The following NKX3-2 variants were observed in gnomAD, a reference collection of about 807,000 sequenced individuals.
NKX3-2 encodes the protein NK3 homeobox 2, also known as homeobox protein Nkx-3.2.
In NKX3-2, 13 loss-of-function variants were observed where a neutral mutation model predicts 19.4. The ratio of observed to expected loss-of-function variants is 0.67; its 90% confidence interval spans 0.44 to 1.07. NKX3-2 has a LOEUF of 1.07. Ranked by LOEUF, NKX3-2 falls within the 50% of genes least tolerant of loss-of-function variation. NKX3-2 has a pLI of 0.00. For missense variants in NKX3-2, 562 were observed against 488.2 expected, an observed-to-expected ratio of 1.15 and a Z score of -1.42; for synonymous variants, 269 against 230.5, an observed-to-expected ratio of 1.17 and a Z score of -1.51.
upstream of NKX3-2, chr4:13,547,366 A>G (rs28378481): frequency 0.017 from 6,430 of 382,646 alleles, 317 homozygotes; most frequent in African/African-American, 0.11. Context: ...GAACTCTGCA[A>G]CCTCCCGACG....
At position 13,541,887 on chromosome 4, in the gene NKX3-2, A is replaced by G. The variant is rs1717993172; in HGVS notation, c.*106T>C. 1.3e-6 allele frequency: 2 copies of G among 1,487,142 alleles called. No individual in the cohort carries two copies. The highest frequency in any genetic ancestry group is 1.8e-6 in the Non-Finnish European group (2 of 1,102,702). The allele number at this position is 1,487,142 out of a possible 1,614,324, so 92.1% of individuals were successfully genotyped here. On this transcript the variant is annotated 3_prime_UTR_variant, in exon 2 of 2. Coordinates refer to ENST00000382438, the MANE Select transcript of NKX3-2 (RefSeq NM_001189.4). ...GGAGCTGGAGCTGGGTTTCACCTCC[A>G]GGTGCCTCCTTGGCGGGGCGCCCCG...
Position 13,544,280 on chromosome 4 carries a change from C to T in NKX3-2, c.135G>A (p.Ala45=), listed in dbSNP as rs371388996. ...APGGTAASVA[A]APAVCCWRLF... is the part of the protein sequence containing the mutation. ...GCCGCCAACAGCAGACAGCGGGAGCCGCGGCCACCGATGCCGCTGTGCCCC... is the reference window on the plus strand; with the variant it reads ...GCCGCCAACAGCAGACAGCGGGAGCTGCGGCCACCGATGCCGCTGTGCCCC... Residue 45 remains alanine, a synonymous_variant, in exon 1 of 2, where the codon GCG becomes GCA. Transcript: ENST00000382438. The T allele has an allele frequency of 4.2e-5, 65 of 1,547,436 alleles. No individual in the cohort carries two copies. The African/African-American group carries it at 4.3e-4, about 10-fold the overall frequency.
chr4:13,544,078 C>T lies in NKX3-2; in HGVS notation c.337G>A (p.Ala113Thr), dbSNP rs747796521. Reference sequence around the variant, plus strand: ...CCCCCCGCAAGGCCGGCCCCGCTGGCCCCCCGCGCGTCCGCGCAGCGCCGC... The same window carrying T: ...CCCCCCGCAAGGCCGGCCCCGCTGGTCCCCCGCGCGTCCGCGCAGCGCCGC... ...SRRRCADARG[A>T]SGAGLAGGSL... is the part of the protein sequence containing the mutation. Residue 113 changes from alanine to threonine, a missense_variant, in exon 1 of 2, where the codon GCC becomes ACC. Transcript: ENST00000382438. The T allele has an allele frequency of 3.2e-6, 5 of 1,581,300 alleles. No individual in the cohort carries two copies. Among genetic ancestry groups the T allele is most frequent in the East Asian group, 4.7e-5 (2 of 42,914 alleles).
upstream of NKX3-2, chr4:13,544,557 G>C: frequency 2.4e-6 from 1 of 421,218 alleles, no homozygotes. Flanking sequence ...CGGCCCAGCA[G>C]CTCCCGCCCC....
rs745675632 is a variant in NKX3-2 at position 13,542,419 on chromosome 4, G to T, written c.576C>A (p.Val192=). 4.6e-6 allele frequency: 7 copies of T among 1,533,222 alleles called. No individual in the cohort carries two copies. Among genetic ancestry groups the T allele is most frequent in the Non-Finnish European group, 6.1e-6 (7 of 1,146,646 alleles). 95.0% of individuals were successfully genotyped at this position (1,533,222 alleles called of 1,614,324 possible). ...GGGGGSGPAG[V]AEEEEEPAAP... ...CCGCCGGCTCCTCCTCCTCCTCCGC[G>T]ACGCCTGCCGGCCCGCTGCCGCCCC... Residue 192 remains valine (V), a synonymous_variant, in exon 2 of 2, where the codon GTC becomes GTA. Coordinates refer to ENST00000382438, the MANE Select transcript of NKX3-2 (RefSeq NM_001189.4). The surrounding 1 kb of genome is among the most constrained non-coding windows in gnomAD (Gnocchi z 6.4).
Position 13,541,750 on chromosome 4 carries a change from C to T in NKX3-2, c.*243G>A, listed in dbSNP as rs1337686887. ...TAAATAGAGCCCAGGGGCTTCCAGG[C>T]AGGTGGGCGATCAGGGCCCCTAGGC... On this transcript the variant is annotated 3_prime_UTR_variant, in exon 2 of 2. Coordinates refer to ENST00000382438, the MANE Select transcript of NKX3-2 (RefSeq NM_001189.4). 9.9e-6 allele frequency: 5 copies of T among 503,488 alleles called. No homozygotes were observed. The highest frequency in any genetic ancestry group is 1.7e-5 in the Non-Finnish European group (5 of 286,576). 31.2% of individuals were successfully genotyped at this position (503,488 alleles called of 1,614,324 possible). A position where few individuals can be genotyped will look rare whatever the true frequency, so the allele number is the denominator to read the frequency against.
rs1344530495 is a variant in NKX3-2, at chr4:13,543,075, T to G, written c.467-547A>C. Among the ~76,000 whole-genome samples, 1 of 151,906 alleles carries G rather than the reference T, an allele frequency of 6.6e-6. No individual in the cohort carries two copies. The highest frequency in any genetic ancestry group is 1.5e-5 in the Non-Finnish European group (1 of 67,970). On this transcript the variant is annotated intron_variant, in intron 1 of 1. Transcript: ENST00000382438. The surrounding 1 kb of genome is among the most constrained non-coding windows in gnomAD (Gnocchi z 7.1). ...CCGCCTGGGATTGCTGTGAGAGACA[T>G]GGAAACAGGCTGAGCCGAGGCCTTA...
upstream of NKX3-2, chr4:13,547,222 G>T (rs534676516): frequency 7.9e-4 from 361 of 456,348 alleles, 3 homozygotes; most frequent in South Asian, 5.1e-3. Flanking sequence ...CCAGAGTGGC[G>T]GTGTGTGGCG....
In NKX3-2 at chr4:13,544,285, C is replaced by G; in HGVS notation, c.130G>C (p.Ala44Pro). The change falls in exon 1 of 2, where the codon GCC becomes CCC. Residue 44 changes from alanine to proline, a missense_variant. Physicochemically the swap from Ala to Pro is conservative, Grantham distance 27. Transcript: ENST00000382438. ...PAPGGTAASV[A>P]AAPAVCCWRL... ...CAACAGCAGACAGCGGGAGCCGCGG[C>G]CACCGATGCCGCTGTGCCCCCGGGC... The G allele has an allele frequency of 6.5e-7, 1 of 1,544,534 alleles. No individual in the cohort carries two copies. The highest frequency in any genetic ancestry group is 8.7e-7 in the Non-Finnish European group (1 of 1,153,022).
At chr4:13,547,279 C>T (rs1349869181), upstream of NKX3-2, 1 of 454,952 alleles carries the variant, frequency 2.2e-6, no homozygotes, top group African/African-American at 2.0e-5. Context: ...GATCTGGACG[C>T]GACCGCGCGG....
chr4:13,545,217 C>A (rs1405740259), upstream of NKX3-2, among the ~76,000 whole-genome samples: 1 of 152,154 alleles, frequency 6.6e-6, no homozygotes, highest in Non-Finnish European at 1.5e-5. Context: ...CTGACTTAAC[C>A]CCTTCTCTCC....
chr4:13,544,584 A>G (rs1718081558), upstream of NKX3-2: 1 of 360,300 alleles, frequency 2.8e-6, no homozygotes, highest in Non-Finnish European at 4.8e-6. Context: ...TCCCAGGATC[A>G]GCGCCGACCC....
chr4:13,547,065 T>G (rs1339070739), upstream of NKX3-2: 1 of 456,156 alleles, frequency 2.2e-6, no homozygotes, highest in Middle Eastern at 3.3e-4. Context: ...GGGAGTTGGG[T>G]GCTTGGCGCG....
upstream of NKX3-2, among the ~76,000 whole-genome samples, chr4:13,545,511 T>C (rs1452516166): frequency 1.3e-5 from 2 of 152,218 alleles, no homozygotes; most frequent in Non-Finnish European, 2.9e-5. Context: ...TTTGCTGAAA[T>C]GATCAGTTAA....
rs1468632986 is a variant in NKX3-2 at position 13,543,761 on chromosome 4, T to G, written c.466+188A>C. Among the ~76,000 whole-genome samples the G allele has an allele frequency of 6.6e-6, 1 of 152,204 alleles. No individual in the cohort carries two copies. Among genetic ancestry groups the G allele is most frequent in the African/African-American group, 2.4e-5 (1 of 41,456 alleles). ...AGGACGTAGGGCTCTGAGGAGCTAC[T>G]CCGGTCTCTCGCGGGCTCAGTTCCC... On this transcript the variant is annotated intron_variant, in intron 1 of 1. Transcript: ENST00000382438. This position sits in a 1 kb window ranked among gnomAD's most constrained non-coding sequence, Gnocchi z 7.1.
In NKX3-2 at chr4:13,544,077, G is replaced by GC. The variant is rs606231352; in HGVS notation, c.337dup (p.Ala113GlyfsTer19). ...TCCCCCCGCAAGGCCGGCCCCGCTG[G>GC]CCCCCCGCGCGTCCGCGCAGCGCCG... On this transcript the variant is annotated frameshift_variant, in exon 1 of 2. Coordinates refer to ENST00000382438, the MANE Select transcript of NKX3-2 (RefSeq NM_001189.4). LOFTEE classifies it high-confidence loss of function. 3 of 1,580,232 alleles carry GC rather than the reference G, an allele frequency of 1.9e-6. No individual in the cohort carries two copies. The highest frequency in any genetic ancestry group is 1.7e-6 in the Non-Finnish European group (2 of 1,165,696).
At position 13,541,997 on chromosome 4, in the gene NKX3-2, T is replaced by C. The variant is rs1427103087; in HGVS notation, c.998A>G (p.Gln333Arg). 6.3e-7 allele frequency: 1 copy of C among 1,584,766 alleles called. No homozygotes were observed. The highest frequency in any genetic ancestry group is 8.6e-7 in the Non-Finnish European group (1 of 1,166,026). The change falls in exon 2 of 2, where the codon CAG (glutamine) becomes CGG (arginine). Residue 333 changes from glutamine (Q) to arginine (R), a missense_variant. Gln to Arg is a conservative substitution (Grantham distance 43). Transcript: ENST00000382438. ...GCTGCCTCAGCCCAAGCGGGTTCAC[T>C]GGGTGCCTGCGGCAGCTGCGCAGGT... ...LSTCAAAAGT[Q>R]
chr4:13,543,297 A>G lies in NKX3-2; in HGVS notation c.466+652T>C, dbSNP rs1244369147. On this transcript the variant is annotated intron_variant, in intron 1 of 1. Transcript: ENST00000382438. The surrounding 1 kb of genome is among the most constrained non-coding windows in gnomAD (Gnocchi z 7.1). ...GGCAGGCACCCGGGTCTTCCAGACCACAGGACAGGACAGGCCACGGCTGAG... is the reference window on the plus strand; with the variant it reads ...GGCAGGCACCCGGGTCTTCCAGACCGCAGGACAGGACAGGCCACGGCTGAG... 6.6e-6 allele frequency among the ~76,000 whole-genome samples: 1 copy of G among 152,168 alleles called. No individual in the cohort carries two copies. Among genetic ancestry groups the G allele is most frequent in the African/African-American group, 2.4e-5 (1 of 41,450 alleles).
Position 13,542,363 on chromosome 4 carries a change from G to C in NKX3-2, c.632C>G (p.Ala211Gly). 1 of 1,524,298 alleles carries C rather than the reference G, an allele frequency of 6.6e-7. No individual in the cohort carries two copies. Among genetic ancestry groups the C allele is most frequent in the Non-Finnish European group, 8.8e-7 (1 of 1,138,450 alleles). The allele number at this position is 1,524,298 out of a possible 1,614,324, so 94.4% of individuals were successfully genotyped here. Residue 211 changes from alanine (A) to glycine (G), a missense_variant, in exon 2 of 2, where the codon GCC becomes GGC. Ala to Gly is a moderately conservative substitution (Grantham distance 60). Coordinates refer to ENST00000382438, the MANE Select transcript of NKX3-2 (RefSeq NM_001189.4). This position sits in a 1 kb window ranked among gnomAD's most constrained non-coding sequence, Gnocchi z 6.4. ...GAAGACCTGCGCGTGGGAGAAAGCG[G>C]CCCGCGAGCGCTTCTTGCGTGGCTT... ...APKPRKKRSR[A>G]AFSHAQVFEL... is the part of the protein sequence containing the mutation.
Sources: allele counts gnomAD v4.1 joint callset (sites outside exome capture counted in the v4.1 genomes callset), GRCh38; gene constraint gnomAD v4.1.1; non-coding constraint Gnocchi (gnomAD v3.1); transcripts MANE v1.5; gene names NCBI Gene and HGNC (gene_info 2026-07-23, HGNC 2026-07-21).